Variants in DEFB118 observed in about 807,000 individuals in gnomAD.
DEFB118 encodes defensin, beta 18.
DEFB118 carries 3 observed loss-of-function variants against 2.8 expected under a neutral mutation model. The observed-to-expected ratio is 1.09, with a 90% CI of 0.50 to 2.82. The LOEUF (loss-of-function observed/expected upper bound fraction) is 2.82, where lower values mean the gene tolerates loss of function less well. Ranked by LOEUF, DEFB118 falls within the 30% of genes most tolerant of loss-of-function variation. The pLI, the probability that DEFB118 is intolerant of heterozygous loss-of-function variation, is 0.04. For missense variants in DEFB118, 159 were observed against 144.6 expected, an observed-to-expected ratio of 1.10 and a Z score of -0.51; for synonymous variants, 63 against 53.5, an observed-to-expected ratio of 1.18 and a Z score of -0.78.
At chr20:31,371,436 T>C (rs899034798) in intron 1 of DEFB118, among the ~76,000 whole-genome samples, 13 of 152,084 alleles carry the variant, frequency 8.5e-5, no homozygotes, top group Non-Finnish European at 1.5e-4. Context: ...ATAAAGTATG[T>C]TTTACTTTCT....
At position 31,373,368 on chromosome 20, in the gene DEFB118, A is replaced by C; in HGVS notation, c.*198A>C. ...TCTTCAGTGCTCTTCTTGAAATGTCACATTATTTCCACAACAAGTTATAAC... is the reference window on the plus strand; with the variant it reads ...TCTTCAGTGCTCTTCTTGAAATGTCCCATTATTTCCACAACAAGTTATAAC... On this transcript the variant is annotated 3_prime_UTR_variant, in exon 2 of 2. Transcript: ENST00000253381. The C allele has an allele frequency of 1.7e-6, 1 of 575,944 alleles. No homozygotes were observed. The highest frequency in any genetic ancestry group is 3.0e-6 in the Non-Finnish European group (1 of 328,504). The allele number at this position is 575,944 out of a possible 1,614,324, so 35.7% of individuals were successfully genotyped here.
chr20:31,372,061 T>C (rs920570467), intron 1 of DEFB118, among the ~76,000 whole-genome samples: 3 of 152,236 alleles, frequency 2.0e-5, no homozygotes, highest in Non-Finnish European at 4.4e-5. Flanking sequence ...ATGGTGTATA[T>C]ATACCACATT....
Position 31,372,862 on chromosome 20 carries a change from AG to A in DEFB118, c.65del (p.Ser22MetfsTer23), listed in dbSNP as rs1172055983. 1 of 1,613,536 alleles carries A rather than the reference AG, an allele frequency of 6.2e-7. No individual in the cohort carries two copies. Among genetic ancestry groups the A allele is most frequent in the Non-Finnish European group, 8.5e-7 (1 of 1,179,624 alleles). On this transcript the variant is annotated frameshift_variant, in exon 2 of 2. Coordinates refer to ENST00000253381, the MANE Select transcript of DEFB118 (RefSeq NM_054112.3). LOFTEE classifies it low-confidence loss of function (END_TRUNC). Reference sequence around the variant, plus strand: ...TCTTTCCTTTTATTATTCAGCCTATAGTGGTGAAAAAAAATGCTGGAACAGA... The same window carrying A: ...TCTTTCCTTTTATTATTCAGCCTATATGGTGAAAAAAAATGCTGGAACAGA... ...VLLPQVIPAY[S>X]GEKKCWNRSG...
At position 31,373,118 on chromosome 20, in the gene DEFB118, A is replaced by C. The variant is rs1292216214; in HGVS notation, c.320A>C (p.Glu107Ala). 1 of 1,614,030 alleles carries C rather than the reference A, an allele frequency of 6.2e-7. No individual in the cohort carries two copies. Among genetic ancestry groups the C allele is most frequent in the African/African-American group, 1.3e-5 (1 of 74,932 alleles). Residue 107 changes from glutamate to alanine, a missense_variant, in exon 2 of 2, where the codon GAG becomes GCG. Coordinates refer to ENST00000253381, the MANE Select transcript of DEFB118 (RefSeq NM_054112.3). The part of the protein sequence containing the change: ...SSKKDMVEES[E>A]AGRGTETSLP... ...AAGAAAGATATGGTTGAAGAGTCTG[A>C]GGCGGGAAGGGGAACTGAGACCTCT...
Position 31,373,516 on chromosome 20 carries a change from A to G in DEFB118, c.*346A>G. 4.3e-6 allele frequency: 1 copy of G among 235,204 alleles called. No homozygotes were observed. The allele number at this position is 235,204 out of a possible 1,614,324, so 14.6% of individuals were successfully genotyped here. A position where few individuals can be genotyped will look rare whatever the true frequency, so the allele number is the denominator to read the frequency against. On this transcript the variant is annotated 3_prime_UTR_variant, in exon 2 of 2. Transcript: ENST00000253381. ...TCTCAACAGCTGTCTTCATGGCAGC[A>G]TAAGTGGTCATGATCAAAATTCTAA...
chr20:31,371,146 C>T (rs894727875), intron 1 of DEFB118, among the ~76,000 whole-genome samples: 1 of 152,178 alleles, frequency 6.6e-6, no homozygotes, highest in Non-Finnish European at 1.5e-5. Flanking sequence ...CTCCACTTAA[C>T]TTACTCTATA....
intron 1 of DEFB118, among the ~76,000 whole-genome samples, 176 bp downstream of exon 1, chr20:31,368,884 G>T (rs1986163524): frequency 6.6e-6 from 1 of 152,156 alleles, no homozygotes; most frequent in African/African-American, 2.4e-5. Context: ...AATAGACAGG[G>T]GCAGTCCCAC....
intron 1 of DEFB118, among the ~76,000 whole-genome samples, chr20:31,371,088 G>A (rs1986202492): frequency 6.6e-6 from 1 of 152,142 alleles, no homozygotes; most frequent in African/African-American, 2.4e-5. Context: ...TCAAAGACCT[G>A]CAAGATTCTA....
intron 1 of DEFB118, 72 bp downstream of exon 1, chr20:31,368,780 C>A: frequency 1.4e-6 from 2 of 1,416,348 alleles, no homozygotes; most frequent in South Asian, 2.3e-5. Flanking sequence ...TCCAATGTGT[C>A]ACGGTACTCC....
chr20:31,369,385 G>GT (rs71185357), intron 1 of DEFB118, among the ~76,000 whole-genome samples: 31,276 of 104,028 alleles, frequency 0.3, 5,860 homozygotes, highest in African/African-American at 0.38. Context: ...GCACTCTTGT[G>GT]TTTTTTTTTT....
chr20:31,368,904 T>C (rs1211792620), intron 1 of DEFB118, among the ~76,000 whole-genome samples, 196 bp downstream of exon 1: 2 of 152,110 alleles, frequency 1.3e-5, no homozygotes, highest in African/African-American at 4.8e-5. Flanking sequence ...CCATCCAGAG[T>C]TGTCCTTGGT....
Position 31,373,142 on chromosome 20 carries a change from C to G in DEFB118, c.344C>G (p.Ser115Cys). 6.2e-7 allele frequency: 1 copy of G among 1,613,808 alleles called. No homozygotes were observed. The highest frequency in any genetic ancestry group is 8.5e-7 in the Non-Finnish European group (1 of 1,179,932). ...ESEAGRGTETSLPNVHHSS is the reference protein window; with the variant it reads ...ESEAGRGTETCLPNVHHSS ...GAGGCGGGAAGGGGAACTGAGACCT[C>G]TCTTCCAAATGTTCACCATAGCTCA... Residue 115 changes from serine to cysteine, a missense_variant, in exon 2 of 2, where the codon TCT (serine) becomes TGT (cysteine). Ser to Cys is a moderately radical substitution (Grantham distance 112). Transcript: ENST00000253381.
intron 1 of DEFB118, among the ~76,000 whole-genome samples, chr20:31,370,728 T>A (rs1056084574): frequency 1.3e-5 from 2 of 152,074 alleles, no homozygotes; most frequent in African/African-American, 4.8e-5. Flanking sequence ...TAAAATAACC[T>A]CTTACTGTTG....
Position 31,372,858 on chromosome 20 carries a change from C to A in DEFB118, c.60C>A (p.Ala20=), listed in dbSNP as rs752023282. 6 of 1,613,072 alleles carry A rather than the reference C, an allele frequency of 3.7e-6. No individual in the cohort carries two copies. In the South Asian group the frequency reaches 5.5e-5, roughly 15 times the overall value. ...MLVLLPQVIP[A]YSGEKKCWNR... ...ATGGTCTTTCCTTTTATTATTCAGCCTATAGTGGTGAAAAAAAATGCTGGA... is the reference window on the plus strand; with the variant it reads ...ATGGTCTTTCCTTTTATTATTCAGCATATAGTGGTGAAAAAAAATGCTGGA... Residue 20 remains alanine (A), a splice_region_variant and synonymous_variant, in exon 2 of 2, where the codon GCC becomes GCA. Coordinates refer to ENST00000253381, the MANE Select transcript of DEFB118 (RefSeq NM_054112.3).
intron 1 of DEFB118, 83 bp from the exon 2 acceptor site, chr20:31,372,774 T>C (rs947868654): frequency 8.4e-6 from 9 of 1,068,786 alleles, no homozygotes; most frequent in South Asian, 4.6e-5. Context: ...AGTGTGGATA[T>C]AGGATGCGAG....
chr20:31,372,838 C>A lies in DEFB118; in HGVS notation c.59-19C>A. Reference sequence around the variant, plus strand: ...GCATCAGTAACCCAAAATCAATGGTCTTTCCTTTTATTATTCAGCCTATAG... The same window carrying A: ...GCATCAGTAACCCAAAATCAATGGTATTTCCTTTTATTATTCAGCCTATAG... On this transcript the variant is annotated intron_variant, in intron 1 of 1. Transcript: ENST00000253381. 6.2e-7 allele frequency: 1 copy of A among 1,603,132 alleles called. No individual in the cohort carries two copies. Among genetic ancestry groups the A allele is most frequent in the South Asian group, 1.1e-5 (1 of 90,238 alleles).
Position 31,371,268 on chromosome 20 carries a change from C to T in DEFB118, c.59-1589C>T, listed in dbSNP as rs990571768. 6.6e-5 allele frequency among the ~76,000 whole-genome samples: 10 copies of T among 152,028 alleles called. No individual in the cohort carries two copies. The East Asian group carries it at 1.2e-3, about 18-fold the overall frequency. On this transcript the variant is annotated intron_variant, in intron 1 of 1. Transcript: ENST00000253381. ...TATATACTCTGCCCCCAGTTAGTCTCGTAGCTCGCCCTCTCTCTTCCTTCT... is the reference window on the plus strand; with the variant it reads ...TATATACTCTGCCCCCAGTTAGTCTTGTAGCTCGCCCTCTCTCTTCCTTCT...
At chr20:31,369,390 T>G (rs1218823814) in intron 1 of DEFB118, among the ~76,000 whole-genome samples, 3 of 144,826 alleles carry the variant, frequency 2.1e-5, no homozygotes, top group South Asian at 2.2e-4. Context: ...CTTGTGTTTT[T>G]TTTTTTTTTT....
chr20:31,368,755 C>T (rs1986162043), intron 1 of DEFB118, 47 bp downstream of exon 1: 2 of 1,576,664 alleles, frequency 1.3e-6, no homozygotes, highest in Non-Finnish European at 8.7e-7. Flanking sequence ...ATAGTGGGTT[C>T]TGGCTCATGA....
Sources: allele counts gnomAD v4.1 joint callset (sites outside exome capture counted in the v4.1 genomes callset), GRCh38; gene constraint gnomAD v4.1.1; transcripts MANE v1.5; gene names NCBI Gene and HGNC (gene_info 2026-07-23, HGNC 2026-07-21).